RREB1: variants seen among roughly 807,000 people sequenced by gnomAD.
RREB1 encodes the protein ras-responsive element-binding protein 1.
In RREB1, 27 loss-of-function variants were observed where a neutral mutation model predicts 117.8. That is an observed-to-expected ratio of 0.23 (90% CI 0.17 to 0.32). The LOEUF (loss-of-function observed/expected upper bound fraction) is 0.32, where lower values mean the gene tolerates loss of function less well. RREB1 is among the 10% of genes least tolerant of loss of function. The pLI is 1.00. For missense variants in RREB1, 2,577 were observed against 2,378.2 expected (o/e 1.08, Z -1.74); for synonymous variants, 1,298 against 1,026.7 (o/e 1.26, Z -5.05).
At chr6:7,198,667 A>G (rs1296874162) in intron 6 of RREB1, among the ~76,000 whole-genome samples, 1 of 152,238 alleles carries the variant, frequency 6.6e-6, no homozygotes, top group Admixed American at 6.5e-5. Context: ...CATTATGATA[A>G]TACTTGGGTA....
At position 7,246,937 on chromosome 6, in the gene RREB1, A is replaced by AG; in HGVS notation, c.4489dup (p.Glu1497GlyfsTer51). 6.4e-7 allele frequency: 1 copy of AG among 1,557,506 alleles called. No individual in the cohort carries two copies. The highest frequency in any genetic ancestry group is 1.9e-5 in the Admixed American group (1 of 51,368). On this transcript the variant is annotated frameshift_variant, in exon 12 of 13. Coordinates refer to ENST00000379938, the MANE Select transcript of RREB1 (RefSeq NM_001003699.4). LOFTEE classifies it high-confidence loss of function. ...GAGGGGCCCCAGCCCGCCCCTGAAC[A>AG]GGAGGAGAAGCCCCCCGAGACCCCG...
chr6:7,187,466 C>T lies in RREB1; in HGVS notation c.204C>T (p.Cys68=), dbSNP rs768903670. 1.2e-6 allele frequency: 2 copies of T among 1,604,638 alleles called. No homozygotes were observed. Among genetic ancestry groups the T allele is most frequent in the African/African-American group, 2.7e-5 (2 of 74,820 alleles). ...AAGAGGAGAAGTCTTCCTATAACTG[C>T]CCCCTGTGTGAGAAGATTTGCACTA... ...ETKEEKSSYN[C]PLCEKICTTQ... The change falls in exon 5 of 13, where the codon TGC becomes TGT. Residue 68 remains cysteine (C), a synonymous_variant. Transcript: ENST00000379938.
At chr6:7,182,547 A>T (rs917416720) in intron 4 of RREB1, among the ~76,000 whole-genome samples, 9 of 152,360 alleles carry the variant, frequency 5.9e-5, no homozygotes, top group Admixed American at 5.9e-4. Flanking sequence ...GATGCTGTTT[A>T]GTCATCTTGG....
At position 7,231,408 on chromosome 6, in the gene RREB1, C is replaced by G. The variant is rs1335645009; in HGVS notation, c.3309C>G (p.Ser1103Arg). The G allele has an allele frequency of 6.2e-7, 1 of 1,613,332 alleles. No individual in the cohort carries two copies. ...GCAGTAACACCACGGCTTCAGACAG[C>G]TTAGGAGGTTCTGTCCCCAAAGCCG... ...STGSNTTASD[S>R]LGGSVPKAAT... The change falls in exon 10 of 13, where the codon AGC becomes AGG. Residue 1103 changes from serine to arginine, a missense_variant. Coordinates refer to ENST00000379938, the MANE Select transcript of RREB1 (RefSeq NM_001003699.4).
At chr6:7,213,331 A>G (rs1766722491) in intron 8 of RREB1, 1 of 151,860 alleles carries the variant, frequency 6.6e-6, no homozygotes, top group Non-Finnish European at 1.5e-5. Flanking sequence ...CACCTGGCTA[A>G]TTTTTTGTGT....
intron 1 of RREB1, among the ~76,000 whole-genome samples, chr6:7,160,678 TTTTTTTTTTTC>T (rs538598189): frequency 0.014 from 2,042 of 146,936 alleles, 24 homozygotes; most frequent in Non-Finnish European, 0.022. Flanking sequence ...CCTGGATAAC[TTTTTTTTTTTC>T]TTTTTTTTTT....
chr6:7,245,998 G>A (rs1163208096), intron 11 of RREB1, among the ~76,000 whole-genome samples: 2 of 152,178 alleles, frequency 1.3e-5, no homozygotes, highest in Non-Finnish European at 2.9e-5. Flanking sequence ...TGTGTATGTT[G>A]CATGTTTGTA....
intron 1 of RREB1, among the ~76,000 whole-genome samples, chr6:7,128,146 C>A (rs995437635): frequency 2.6e-5 from 4 of 152,088 alleles, no homozygotes; most frequent in African/African-American, 9.7e-5. Flanking sequence ...GAGGGTTGTG[C>A]AAAATGGGGG....
chr6:7,166,332 G>C (rs1373758869), intron 1 of RREB1, among the ~76,000 whole-genome samples: 2 of 152,256 alleles, frequency 1.3e-5, no homozygotes, highest in African/African-American at 4.8e-5. Flanking sequence ...CCATTTGCTT[G>C]CCAGTGTTTT....
intron 1 of RREB1, among the ~76,000 whole-genome samples, chr6:7,147,669 G>A (rs552662204): frequency 6.6e-6 from 1 of 152,162 alleles, no homozygotes; most frequent in Admixed American, 6.5e-5. Flanking sequence ...TGTTTGAGAA[G>A]TTCCTAATGC....
chr6:7,136,260 G>A (rs1178556620), intron 1 of RREB1, among the ~76,000 whole-genome samples: 5 of 152,196 alleles, frequency 3.3e-5, no homozygotes, highest in African/African-American at 1.2e-4. Flanking sequence ...GTTTATAGAT[G>A]TCAGTAATGC....
At chr6:7,179,708 C>T (rs916582103) in intron 2 of RREB1, among the ~76,000 whole-genome samples, 1 of 152,030 alleles carries the variant, frequency 6.6e-6, no homozygotes, top group African/African-American at 2.4e-5. Context: ...CTCATGTATG[C>T]ACTTTGTGTC....
At chr6:7,193,295 G>A (rs1765504348) in intron 6 of RREB1, among the ~76,000 whole-genome samples, 1 of 152,212 alleles carries the variant, frequency 6.6e-6, no homozygotes, top group Non-Finnish European at 1.5e-5. Context: ...TGAGAAGAAT[G>A]TGTATTCTGC....
intron 1 of RREB1, among the ~76,000 whole-genome samples, chr6:7,141,633 TAA>T: frequency 6.6e-6 from 1 of 152,338 alleles, no homozygotes; most frequent in African/African-American, 2.4e-5. Context: ...TATTTCAGAA[TAA>T]AAACATGTAG....
At chr6:7,119,469 G>C (rs146088086) in intron 1 of RREB1, among the ~76,000 whole-genome samples, 1 of 152,158 alleles carries the variant, frequency 6.6e-6, no homozygotes, top group Admixed American at 6.5e-5. Context: ...CTGGGAGGCC[G>C]GTCAAGGAAG....
At chr6:7,227,620 G>C (rs534436333) in intron 9 of RREB1, among the ~76,000 whole-genome samples, 1 of 152,122 alleles carries the variant, frequency 6.6e-6, no homozygotes, top group South Asian at 2.1e-4. Flanking sequence ...ATCGGAATTC[G>C]TGGGATTTTA....
chr6:7,184,828 A>G (rs932798060), intron 4 of RREB1: 1 of 151,022 alleles, frequency 6.6e-6, no homozygotes, highest in African/African-American at 2.4e-5. Flanking sequence ...TTTTTTTTTA[A>G]AACATGTATT....
At position 7,251,808 on chromosome 6, in the gene RREB1, A is replaced by G. The variant is rs1271955402; in HGVS notation, c.*2840A>G. The G allele has an allele frequency of 1.3e-5, 2 of 152,372 alleles. No individual in the cohort carries two copies. The highest frequency in any genetic ancestry group is 3.9e-4 in the East Asian group (2 of 5,190). 9.4% of individuals were successfully genotyped at this position (152,372 alleles called of 1,614,324 possible). ...AAGGGAACTTAAAAACTGCTGCTAC[A>G]TGTTATGTACAAAACTGGTTTATGC... is the stretch of plus-strand genomic sequence containing the variant. On this transcript the variant is annotated 3_prime_UTR_variant, in exon 13 of 13. Coordinates refer to ENST00000379938, the MANE Select transcript of RREB1 (RefSeq NM_001003699.4).
intron 1 of RREB1, among the ~76,000 whole-genome samples, chr6:7,175,377 G>A (rs564648352): frequency 1.3e-5 from 2 of 151,980 alleles, no homozygotes; most frequent in South Asian, 2.1e-4. Flanking sequence ...TGGGATGGGG[G>A]GGGTATAATG....
Sources: allele counts gnomAD v4.1 joint callset (sites outside exome capture counted in the v4.1 genomes callset), GRCh38; gene constraint gnomAD v4.1.1; transcripts MANE v1.5; gene names NCBI Gene and HGNC (gene_info 2026-07-23, HGNC 2026-07-21).